PRKCQ: variants seen among roughly 807,000 people sequenced by gnomAD.
The protein encoded by PRKCQ is protein kinase C theta type.
In PRKCQ, 41 loss-of-function variants were observed where a neutral mutation model predicts 91.2. The ratio of observed to expected loss-of-function variants is 0.45; its 90% confidence interval spans 0.35 to 0.58. The LOEUF (loss-of-function observed/expected upper bound fraction) is 0.58. Ranked by LOEUF, PRKCQ falls within the 20% of genes least tolerant of loss-of-function variation. PRKCQ has a pLI of 0.00. For synonymous variants in PRKCQ, 307 were observed against 316.9 expected (o/e 0.97, Z 0.33); for missense variants, 673 against 896.5 (o/e 0.75, Z 3.18).
At chr10:6,493,124 C>T (rs938146653) in intron 7 of PRKCQ, among the ~76,000 whole-genome samples, 3 of 152,172 alleles carry the variant, frequency 2.0e-5, no homozygotes, top group African/African-American at 7.2e-5. Context: ...GCTCAAGACA[C>T]CATGGCTGAT....
chr10:6,576,764 T>A lies in PRKCQ; in HGVS notation c.-10+3447A>T, dbSNP rs889442628. Among the ~76,000 whole-genome samples the A allele has an allele frequency of 1.3e-5, 2 of 152,200 alleles. No homozygotes were observed. Among genetic ancestry groups the A allele is most frequent in the African/African-American group, 4.8e-5 (2 of 41,444 alleles). ...ACTGGTAGGTCACCTGGGACTGCGGTTTAAAGCAAATGCTTGATGGTTAGA... is the reference window on the plus strand; with the variant it reads ...ACTGGTAGGTCACCTGGGACTGCGGATTAAAGCAAATGCTTGATGGTTAGA... On this transcript the variant is annotated intron_variant, in intron 1 of 17. Transcript: ENST00000263125. This position sits in a 1 kb window ranked among gnomAD's most constrained non-coding sequence, Gnocchi z 4.2.
the PRKCQ span, among the ~76,000 whole-genome samples, chr10:6,411,034 A>G: frequency 1.3e-5 from 2 of 151,990 alleles, no homozygotes; most frequent in Non-Finnish European, 2.9e-5. Flanking sequence ...CTGTTGAGAA[A>G]CACGGCGGAC....
chr10:6,570,256 C>T (rs570045607), intron 1 of PRKCQ, among the ~76,000 whole-genome samples: 88 of 152,130 alleles, frequency 5.8e-4, no homozygotes, highest in African/African-American at 2.0e-3. Context: ...TCGTTCAAGA[C>T]ATGTGGGGTG....
At chr10:6,474,775 T>G (rs1836180728) in intron 12 of PRKCQ, among the ~76,000 whole-genome samples, 1 of 152,224 alleles carries the variant, frequency 6.6e-6, no homozygotes, top group Non-Finnish European at 1.5e-5. Flanking sequence ...CAACTCTTCT[T>G]GTAGACAAAT....
At chr10:6,461,369 T>C (rs1564317932) in intron 14 of PRKCQ, among the ~76,000 whole-genome samples, 2 of 152,238 alleles carry the variant, frequency 1.3e-5, no homozygotes, top group African/African-American at 4.8e-5. Context: ...CTTACACATA[T>C]AAAGAAAAAT....
intron 12 of PRKCQ, among the ~76,000 whole-genome samples, chr10:6,468,377 G>A (rs61840400): frequency 0.015 from 2,215 of 152,308 alleles, 24 homozygotes; most frequent in Middle Eastern, 0.044. Flanking sequence ...GTGTTTAGTT[G>A]TGATGACTAT....
chr10:6,426,832 G>T (rs1305783788), downstream of PRKCQ, among the ~76,000 whole-genome samples: 1 of 152,136 alleles, frequency 6.6e-6, no homozygotes, highest in East Asian at 1.9e-4. Context: ...CTCACCCTTT[G>T]TCTTACTCTA....
the PRKCQ span, among the ~76,000 whole-genome samples, chr10:6,415,039 T>C: frequency 2.6e-5 from 4 of 152,094 alleles, no homozygotes; most frequent in Non-Finnish European, 4.4e-5. Context: ...CTCCACTCAC[T>C]GCAACCTCCG....
intron 1 of PRKCQ, among the ~76,000 whole-genome samples, chr10:6,539,754 T>C (rs1384364254): frequency 1.3e-5 from 2 of 152,158 alleles, no homozygotes; most frequent in African/African-American, 4.8e-5. Flanking sequence ...GGACCGCTGC[T>C]TTAGAGAACT....
chr10:6,488,932 C>T (rs1291247450), intron 8 of PRKCQ, among the ~76,000 whole-genome samples: 1 of 151,906 alleles, frequency 6.6e-6, no homozygotes, highest in African/African-American at 2.4e-5. Flanking sequence ...GGCGTGCACA[C>T]CACTACACCC....
chr10:6,442,114 AGGAAT>A (rs1834001673), intron 15 of PRKCQ, 33 bp from the exon 16 acceptor site: 2 of 1,596,962 alleles, frequency 1.3e-6, no homozygotes, highest in Non-Finnish European at 1.7e-6. Context: ...GGAAATTAAC[AGGAAT>A]GAGGCTGAGG....
At chr10:6,485,328 G>T in intron 9 of PRKCQ, 59 bp from the exon 10 acceptor site, 2 of 1,314,932 alleles carry the variant, frequency 1.5e-6, no homozygotes, top group Non-Finnish European at 2.2e-6. Context: ...GAACAGCTCA[G>T]CCTGCTAACG....
At chr10:6,429,152 G>A (rs1388274936) in intron 17 of PRKCQ, among the ~76,000 whole-genome samples, 1 of 152,200 alleles carries the variant, frequency 6.6e-6, no homozygotes, top group African/African-American at 2.4e-5. Flanking sequence ...TGAGGTCAAT[G>A]GCAGCTCAGA....
At chr10:6,461,636 A>G (rs1288734484) in intron 14 of PRKCQ, among the ~76,000 whole-genome samples, 1 of 152,188 alleles carries the variant, frequency 6.6e-6, no homozygotes, top group Admixed American at 6.5e-5. Context: ...TTGTTAAGTG[A>G]ATTCTACACT....
chr10:6,411,435 G>A, the PRKCQ span, among the ~76,000 whole-genome samples: 2 of 152,270 alleles, frequency 1.3e-5, no homozygotes, highest in African/African-American at 2.4e-5. Context: ...CAAAAGGTCC[G>A]GTGATATTTT....
chr10:6,489,701 C>A (rs769307804), intron 8 of PRKCQ, among the ~76,000 whole-genome samples: 3 of 151,070 alleles, frequency 2.0e-5, no homozygotes, highest in Non-Finnish European at 4.4e-5. Context: ...GGAAAACAAA[C>A]CAGGGCAGGG....
intron 17 of PRKCQ, among the ~76,000 whole-genome samples, chr10:6,428,651 G>C (rs1833251943): frequency 6.6e-6 from 1 of 151,890 alleles, no homozygotes; most frequent in Non-Finnish European, 1.5e-5. Context: ...ATGAAGCAGG[G>C]TTGGCAACCT....
At chr10:6,517,909 G>C (rs1397368270) in intron 1 of PRKCQ, among the ~76,000 whole-genome samples, 1 of 152,126 alleles carries the variant, frequency 6.6e-6, no homozygotes, top group African/African-American at 2.4e-5. Context: ...AAAAATCATA[G>C]TTCCAACTAA....
intron 1 of PRKCQ, among the ~76,000 whole-genome samples, chr10:6,527,074 C>T (rs1243492513): frequency 2.0e-5 from 3 of 152,172 alleles, no homozygotes; most frequent in African/African-American, 4.8e-5. Context: ...AGGCCATCCC[C>T]ATTCACAAGA....
Sources: gnomAD v4.1 joint callset for allele counts (sites outside exome capture counted in the v4.1 genomes callset) on GRCh38, gnomAD v4.1.1 for gene constraint, Gnocchi (gnomAD v3.1) non-coding constraint, MANE v1.5 for transcripts, NCBI Gene and HGNC (gene_info 2026-07-23, HGNC 2026-07-21) for gene names.